The following FGGY variants were observed in gnomAD, a reference collection of about 807,000 sequenced individuals.
FGGY encodes FGGY carbohydrate kinase domain-containing protein.
Under a neutral mutation model 71.3 loss-of-function variants are expected in FGGY, and 72 were observed. The observed-to-expected ratio is 1.01, with a 90% CI of 0.84 to 1.23. The LOEUF (loss-of-function observed/expected upper bound fraction) is 1.23, where lower values mean the gene tolerates loss of function less well. Among genes scored for constraint, FGGY ranks in the 50% most tolerant of loss-of-function variants. The probability of loss-of-function intolerance (pLI) is 0.00; values close to 1 mark genes in which losing one functional copy is unlikely to be tolerated. For missense variants in FGGY, 668 were observed against 682.3 expected (o/e 0.98, Z 0.23); for synonymous variants, 251 against 250.3 (o/e 1.00, Z -0.02).
intron 14 of FGGY, among the ~76,000 whole-genome samples, chr1:59,694,162 G>T (rs957459269): frequency 4.0e-5 from 6 of 151,218 alleles, no homozygotes; most frequent in African/African-American, 1.5e-4. Flanking sequence ...AGTGGCGGGC[G>T]CCTGTCGTCC....
At chr1:59,591,043 T>C (rs1430138614) in intron 8 of FGGY, among the ~76,000 whole-genome samples, 1 of 152,164 alleles carries the variant, frequency 6.6e-6, no homozygotes, top group African/African-American at 2.4e-5. Flanking sequence ...GAAAACCCCA[T>C]CGTCTCAGCC....
intron 14 of FGGY, among the ~76,000 whole-genome samples, chr1:59,736,815 G>A (rs1003717883): frequency 7.9e-5 from 12 of 152,254 alleles, no homozygotes; most frequent in African/African-American, 2.7e-4. Flanking sequence ...CTGCAGAAAT[G>A]TGTATAAGTA....
rs190529789 is a variant in FGGY at position 59,321,805 on chromosome 1, G to A, written c.201+55G>A. The A allele has an allele frequency of 1.1e-4, 176 of 1,534,108 alleles. 1 individual carries two copies. The highest frequency in any genetic ancestry group is 3.7e-4 in the South Asian group (31 of 83,584). ...TTCATATTCCTACCTGCTGAGTGTC[G>A]TGTGTCAATCTGGTGCCGTAAACAA... On this transcript the variant is annotated intron_variant, in intron 2 of 15. Coordinates refer to ENST00000303721, the MANE Select transcript of FGGY (RefSeq NM_018291.5).
intron 14 of FGGY, chr1:59,755,674 T>C (rs1212159190): frequency 6.6e-6 from 1 of 152,228 alleles, no homozygotes; most frequent in Non-Finnish European, 1.5e-5. Flanking sequence ...AAAGGTAATG[T>C]GGAGAAAGGA....
chr1:59,495,562 A>G (rs781711139), intron 6 of FGGY, among the ~76,000 whole-genome samples: 7 of 151,412 alleles, frequency 4.6e-5, no homozygotes, highest in East Asian at 3.9e-4. Flanking sequence ...AATTAGGTAT[A>G]TAATACCTAA....
chr1:59,522,082 C>G (rs1017631337), intron 7 of FGGY, among the ~76,000 whole-genome samples: 10 of 152,180 alleles, frequency 6.6e-5, no homozygotes, highest in African/African-American at 2.4e-4. Flanking sequence ...AAGTGTTTTG[C>G]TAGGTACTTG....
At chr1:59,700,770 G>A (rs921794233) in intron 14 of FGGY, among the ~76,000 whole-genome samples, 2 of 152,288 alleles carry the variant, frequency 1.3e-5, no homozygotes, top group South Asian at 2.1e-4. Context: ...ACAAAAGAAA[G>A]CAAAGTGATA....
chr1:59,664,801 A>G (rs149922338), intron 12 of FGGY, among the ~76,000 whole-genome samples: 3 of 152,350 alleles, frequency 2.0e-5, no homozygotes, highest in East Asian at 1.9e-4. Flanking sequence ...TTTGCTGCCT[A>G]CAGCAGCAGA....
At chr1:59,371,187 G>A (rs2057559274) in intron 4 of FGGY, among the ~76,000 whole-genome samples, 1 of 152,102 alleles carries the variant, frequency 6.6e-6, no homozygotes, top group Admixed American at 6.5e-5. Flanking sequence ...ACACACATAG[G>A]CTCAAAATAA....
chr1:59,546,520 G>GATTATT (rs1491427942), intron 7 of FGGY, among the ~76,000 whole-genome samples: 78 of 82,988 alleles, frequency 9.4e-4, no homozygotes, highest in Middle Eastern at 4.8e-3. Context: ...TGATGATGAT[G>GATTATT]ATGATGATGA....
chr1:59,500,746 A>G (rs1268358623), intron 6 of FGGY, among the ~76,000 whole-genome samples: 1 of 152,090 alleles, frequency 6.6e-6, no homozygotes, highest in South Asian at 2.1e-4. Context: ...TTTCAAAACA[A>G]TAGCAGAAAA....
In FGGY at chr1:59,405,407, A is replaced by G. The variant is rs116785859; in HGVS notation, c.554+26570A>G. Among the ~76,000 whole-genome samples, 447 of 152,338 alleles carry G rather than the reference A, an allele frequency of 2.9e-3. 3 individuals carry two copies. The highest frequency in any genetic ancestry group is 0.01 in the African/African-American group (427 of 41,586). ...GGTTGGAAGTTGAAGAATCTCACAA[A>G]TTAGATTTTTAATTTTTTGAGTTGC... On this transcript the variant is annotated intron_variant, in intron 5 of 15. Transcript: ENST00000303721.
chr1:59,698,630 G>T, intron 14 of FGGY: 1 of 390,488 alleles, frequency 2.6e-6, no homozygotes, highest in Non-Finnish European at 3.5e-6. Context: ...CTGACCACTT[G>T]GGAATTTTTT....
chr1:59,540,854 A>G (rs1349632659), intron 7 of FGGY, among the ~76,000 whole-genome samples: 1 of 152,140 alleles, frequency 6.6e-6, no homozygotes, highest in Non-Finnish European at 1.5e-5. Flanking sequence ...GTCACTTTAT[A>G]TGTCAGCACA....
rs79056183 is a variant in FGGY, at chr1:59,686,182, C to A, written c.1512+12049C>A. Reference sequence around the variant, plus strand: ...GACTCAGTGATAGAACCAAGAATACCCAGTTTGGTAGAGAGATAGCATGTC... The same window carrying A: ...GACTCAGTGATAGAACCAAGAATACACAGTTTGGTAGAGAGATAGCATGTC... On this transcript the variant is annotated intron_variant, in intron 14 of 15. Transcript: ENST00000303721. Among the ~76,000 whole-genome samples the A allele has an allele frequency of 2.6e-5, 4 of 152,078 alleles. No individual in the cohort carries two copies. The East Asian group carries it at 7.7e-4, about 29-fold the overall frequency.
Position 59,758,018 on chromosome 1 carries a change from A to G in FGGY, c.1574+26A>G, listed in dbSNP as rs200272403. The G allele has an allele frequency of 5.2e-4, 799 of 1,550,634 alleles. 2 individuals are homozygous for G. The highest frequency in any genetic ancestry group is 5.2e-4 in the Non-Finnish European group (590 of 1,125,362). ...GTAAGTGTGTATTTTTTATATGTACAGTGCTAAGGAAGTGAGCACATACAC... is the reference window on the plus strand; with the variant it reads ...GTAAGTGTGTATTTTTTATATGTACGGTGCTAAGGAAGTGAGCACATACAC... On this transcript the variant is annotated intron_variant, in intron 15 of 15. Coordinates refer to ENST00000303721, the MANE Select transcript of FGGY (RefSeq NM_018291.5).
chr1:59,519,244 A>C (rs2094753704), intron 7 of FGGY, among the ~76,000 whole-genome samples: 1 of 152,188 alleles, frequency 6.6e-6, no homozygotes, highest in Admixed American at 6.5e-5. Flanking sequence ...TTTGACCCTA[A>C]AAATGTGAGC....
At chr1:59,654,349 C>T (rs1472938682) in intron 11 of FGGY, among the ~76,000 whole-genome samples, 1 of 152,170 alleles carries the variant, frequency 6.6e-6, no homozygotes, top group Non-Finnish European at 1.5e-5. Flanking sequence ...TCAGCTCCAC[C>T]TTCATTATTG....
chr1:59,737,158 T>C (rs901231675), intron 14 of FGGY, among the ~76,000 whole-genome samples: 3 of 152,226 alleles, frequency 2.0e-5, no homozygotes, highest in African/African-American at 7.2e-5. Context: ...TCTACCTAGA[T>C]TTCAGAGGAT....
Sources: gnomAD v4.1 joint callset for allele counts (sites outside exome capture counted in the v4.1 genomes callset) on GRCh38, gnomAD v4.1.1 for gene constraint, MANE v1.5 for transcripts, NCBI Gene and HGNC (gene_info 2026-07-23, HGNC 2026-07-21) for gene names.